KIF23: variants seen among roughly 807,000 people sequenced by gnomAD.
KIF23 encodes the protein kinesin-like protein KIF23.
Under a neutral mutation model 137.5 loss-of-function variants are expected in KIF23, and 30 were observed. That is an observed-to-expected ratio of 0.22 (90% confidence interval 0.16 to 0.30). KIF23 has a LOEUF of 0.30. Ranked by LOEUF, KIF23 falls within the 10% of genes least tolerant of loss-of-function variation. The pLI, the probability that KIF23 is intolerant of heterozygous loss-of-function variation, is 1.00. For missense variants in KIF23, 920 were observed against 1,194.3 expected, an observed-to-expected ratio of 0.77 and a Z score of 3.38; for synonymous variants, 367 against 391.1, an observed-to-expected ratio of 0.94 and a Z score of 0.73.
chr15:69,415,442 A>G (rs184897562), intron 1 of KIF23, among the ~76,000 whole-genome samples: 101 of 152,326 alleles, frequency 6.6e-4, no homozygotes, highest in African/African-American at 2.1e-3. Context: ...GATGCTAGAG[A>G]AATGGTGAAA....
chr15:69,446,334 A>T lies in KIF23; in HGVS notation c.2808A>T (p.Ala936=), dbSNP rs1182777314. 1 of 1,614,168 alleles carries T rather than the reference A, an allele frequency of 6.2e-7. No homozygotes were observed. ...STVAPAQPDG[A]ESEWTDVETR... is the part of the protein sequence containing the mutation. ...TAGCACCTGCCCAACCAGATGGTGC[A>T]GAGTCTGAATGGACCGATGTAGAAA... The change falls in exon 22 of 24, where the codon GCA becomes GCT. Residue 936 remains alanine (A), a synonymous_variant. Transcript: ENST00000679126.
chr15:69,435,444 G>A (rs1274504943), intron 11 of KIF23, 39 bp from the exon 12 acceptor site: 10 of 1,494,126 alleles, frequency 6.7e-6, no homozygotes. Flanking sequence ...CTACTATACT[G>A]TTGTTCTGAA....
chr15:69,438,733 G>A (rs755753769), intron 16 of KIF23, among the ~76,000 whole-genome samples: 9 of 152,032 alleles, frequency 5.9e-5, no homozygotes, highest in Non-Finnish European at 1.2e-4. Flanking sequence ...CTGGGGAGGT[G>A]GAGGTTGCAG....
Position 69,440,855 on chromosome 15 carries a change from A to C in KIF23, c.2197A>C (p.Ser733Arg). Residue 733 changes from serine (S) to arginine (R), a missense_variant, in exon 19 of 24, where the codon AGC becomes CGC. Physicochemically the swap from Ser to Arg is moderately radical, Grantham distance 110. This residue lies in a region of KIF23 where 714 missense variants were observed against 866.2 expected (regional missense o/e 0.82). Transcript: ENST00000679126. ...QLHRRSNSCSSISVASCISEW... is the reference protein window; with the variant it reads ...QLHRRSNSCSRISVASCISEW... ...ACATAGGCGCTCTAACTCTTGCAGC[A>C]GCATTTCTGTAGCTTCCTGTATTTC... 6.2e-7 allele frequency: 1 copy of C among 1,614,172 alleles called. No homozygotes were observed. The highest frequency in any genetic ancestry group is 8.5e-7 in the Non-Finnish European group (1 of 1,180,038).
chr15:69,426,055 T>G lies in KIF23; in HGVS notation c.777-15T>G. 1 of 1,508,620 alleles carries G rather than the reference T, an allele frequency of 6.6e-7. No individual in the cohort carries two copies. Among genetic ancestry groups the G allele is most frequent in the Non-Finnish European group, 8.9e-7 (1 of 1,129,666 alleles). The allele number at this position is 1,508,620 out of a possible 1,614,324, so 93.5% of individuals were successfully genotyped here. A position where few individuals can be genotyped will look rare whatever the true frequency, so the allele number is the denominator to read the frequency against. On this transcript the variant is annotated splice_polypyrimidine_tract_variant and intron_variant, in intron 8 of 23. Coordinates refer to ENST00000679126, the MANE Select transcript of KIF23 (RefSeq NM_001367805.3). ...TCATAATTTAGGAGACTAATCTTTTTTTTCTTTCCCATAGACCTCCACAAT... is the reference window on the plus strand; with the variant it reads ...TCATAATTTAGGAGACTAATCTTTTGTTTCTTTCCCATAGACCTCCACAAT...
At chr15:69,427,908 A>G (rs1359334427) in intron 10 of KIF23, among the ~76,000 whole-genome samples, 1 of 152,218 alleles carries the variant, frequency 6.6e-6, no homozygotes, top group Non-Finnish European at 1.5e-5. Flanking sequence ...TAATGCGTGT[A>G]AAGTTCTTAG....
At position 69,414,367 on chromosome 15, in the gene KIF23, G is replaced by A. The variant is rs1331326853; in HGVS notation, c.-99G>A. On this transcript the variant is annotated 5_prime_UTR_variant, in exon 1 of 24. Coordinates refer to ENST00000679126, the MANE Select transcript of KIF23 (RefSeq NM_001367805.3). Reference sequence around the variant, plus strand: ...CGGCTTCGCAGAGCACCGCGCCTTAGCCGCGAAGTTCTAGTTCTTGCTGCC... The same window carrying A: ...CGGCTTCGCAGAGCACCGCGCCTTAACCGCGAAGTTCTAGTTCTTGCTGCC... 4 of 1,506,536 alleles carry A rather than the reference G, an allele frequency of 2.7e-6. No individual in the cohort carries two copies. In the African/African-American group the frequency reaches 5.6e-5, roughly 21 times the overall value. The allele number at this position is 1,506,536 out of a possible 1,614,324, so 93.3% of individuals were successfully genotyped here.
chr15:69,436,808 G>T lies in KIF23; in HGVS notation c.1597+86G>T, dbSNP rs145680288. On this transcript the variant is annotated intron_variant, in intron 15 of 23. Transcript: ENST00000679126. The stretch of plus-strand genomic sequence containing the variant: ...TTCACTCTGTACCCCAGGGTGGAGT[G>T]CAGTGGCACAATCTCGGTTCACTGC... 21 of 836,500 alleles carry T rather than the reference G, an allele frequency of 2.5e-5. No individual in the cohort carries two copies. In the East Asian group the frequency reaches 6.4e-4, roughly 26 times the overall value. The allele number at this position is 836,500 out of a possible 1,614,324, so 51.8% of individuals were successfully genotyped here.
Position 69,438,280 on chromosome 15 carries a change from G to T in KIF23, c.1630G>T (p.Asp544Tyr). 6.2e-7 allele frequency: 1 copy of T among 1,609,494 alleles called. No homozygotes were observed. The highest frequency in any genetic ancestry group is 1.1e-5 in the South Asian group (1 of 89,804). ...TTTTAAAGCTTTGTTACAAGAATTT[G>T]ACAATGCTGTTTTAAGTAAAGAAAA... ...NAFKALLQEF[D>Y]NAVLSKENHM... Residue 544 changes from aspartate (D) to tyrosine (Y), a missense_variant, in exon 16 of 24, where the codon GAC becomes TAC. This residue lies in a region of KIF23 where 714 missense variants were observed against 866.2 expected (regional missense o/e 0.82). Transcript: ENST00000679126.
At chr15:69,428,617 G>A (rs563681947) in intron 10 of KIF23, among the ~76,000 whole-genome samples, 4 of 135,022 alleles carry the variant, frequency 3.0e-5, no homozygotes, top group African/African-American at 8.8e-5. Context: ...CAGAGATGGC[G>A]CCACTGCAAT....
At chr15:69,446,848 T>C in intron 22 of KIF23, 23 bp from the exon 23 acceptor site, 1 of 1,609,848 alleles carries the variant, frequency 6.2e-7, no homozygotes, top group Non-Finnish European at 8.5e-7. Flanking sequence ...CTGATCTTTT[T>C]CCTCTTGTCA....
chr15:69,415,934 G>A, intron 1 of KIF23, 60 bp from the exon 2 acceptor site: 1 of 1,222,574 alleles, frequency 8.2e-7, no homozygotes, highest in Non-Finnish European at 1.1e-6. Flanking sequence ...TTTAGGTGAG[G>A]CTTTTGTATT....
At chr15:69,440,721 T>C (rs1176949871) in intron 18 of KIF23, 47 bp from the exon 19 acceptor site, 2 of 1,457,752 alleles carry the variant, frequency 1.4e-6, no homozygotes, top group Non-Finnish European at 1.8e-6. Context: ...GAATTGTTTC[T>C]CTCAGTTTTT....
At chr15:69,423,825 C>G (rs1261172871) in intron 7 of KIF23, among the ~76,000 whole-genome samples, 1 of 152,118 alleles carries the variant, frequency 6.6e-6, no homozygotes, top group Non-Finnish European at 1.5e-5. Flanking sequence ...AGTTGAAATA[C>G]TACTTCCTAG....
chr15:69,421,302 C>T (rs1418277344), intron 3 of KIF23, among the ~76,000 whole-genome samples: 3 of 152,032 alleles, frequency 2.0e-5, no homozygotes, highest in African/African-American at 4.8e-5. Flanking sequence ...GCAGGGGAAT[C>T]GCTTGAACCC....
intron 10 of KIF23, among the ~76,000 whole-genome samples, chr15:69,427,138 TAAAAAATA>T (rs906417862): frequency 5.1e-4 from 77 of 151,822 alleles, no homozygotes; most frequent in East Asian, 1.9e-3. Flanking sequence ...AAAATAAGGC[TAAAAAATA>T]AAAAAATAAA....
rs770506990 is a variant in KIF23, at chr15:69,426,107, C to T, written c.814C>T (p.His272Tyr). ...QSKLLREDKN[H>Y]NMYVAGCTEV... ...TAAATTGCTTCGTGAAGATAAGAACCATAACATGTATGTTGCAGGATGTAC... is the reference window on the plus strand; with the variant it reads ...TAAATTGCTTCGTGAAGATAAGAACTATAACATGTATGTTGCAGGATGTAC... The change falls in exon 9 of 24, where the codon CAT (histidine) becomes TAT (tyrosine). Residue 272 changes from histidine to tyrosine, a missense_variant. Physicochemically the swap from His to Tyr is moderately conservative, Grantham distance 83. Transcript: ENST00000679126. 1 of 1,602,550 alleles carries T rather than the reference C, an allele frequency of 6.2e-7. No homozygotes were observed. The highest frequency in any genetic ancestry group is 1.1e-5 in the South Asian group (1 of 88,370).
intron 15 of KIF23, among the ~76,000 whole-genome samples, chr15:69,437,212 C>T (rs1037594618): frequency 6.6e-6 from 1 of 152,184 alleles, no homozygotes; most frequent in Non-Finnish European, 1.5e-5. Flanking sequence ...CATTTTTCCA[C>T]AGCTCTTTTT....
intron 3 of KIF23, 125 bp from the exon 4 acceptor site, chr15:69,421,522 C>T: frequency 5.0e-6 from 3 of 600,300 alleles, no homozygotes; most frequent in Non-Finnish European, 5.9e-6. Flanking sequence ...GTAAAAAGAC[C>T]ATTTATATTT....
Sources: gnomAD v4.1 joint callset for allele counts (sites outside exome capture counted in the v4.1 genomes callset) on GRCh38, gnomAD v4.1.1 for gene constraint, gnomAD v4.1.1 regional missense constraint, MANE v1.5 for transcripts, NCBI Gene and HGNC (gene_info 2026-07-23, HGNC 2026-07-21) for gene names.